The following REEP3 variants were observed in gnomAD, a reference collection of about 807,000 sequenced individuals.
REEP3 encodes the protein receptor accessory protein 3.
A neutral mutation model predicts 41.3 loss-of-function variants in REEP3; 20 were observed. The ratio of observed to expected loss-of-function variants is 0.48; its 90% confidence interval spans 0.34 to 0.70. The LOEUF (loss-of-function observed/expected upper bound fraction) is 0.70, where lower values mean the gene tolerates loss of function less well. REEP3 is among the 30% of genes least tolerant of loss of function. REEP3 has a pLI of 0.01. For missense variants in REEP3, 271 were observed against 308.8 expected, an observed-to-expected ratio of 0.88 and a Z score of 0.92; for synonymous variants, 104 against 101.8, an observed-to-expected ratio of 1.02 and a Z score of -0.13.
intron 4 of REEP3, 149 bp from the exon 5 acceptor site, chr10:63,599,021 C>CAA: frequency 1.9e-6 from 1 of 534,002 alleles, no homozygotes; most frequent in South Asian, 2.5e-5. Flanking sequence ...GACCCTCTCT[C>CAA]AAAAAAAAGA....
At chr10:63,542,792 T>C (rs1003832303) in intron 1 of REEP3, among the ~76,000 whole-genome samples, 2 of 152,194 alleles carry the variant, frequency 1.3e-5, no homozygotes, top group Admixed American at 1.3e-4. Flanking sequence ...TTGTGGACCT[T>C]AAGTAAGGTG....
At chr10:63,556,614 GTTTTTTTTTTTGTTGTTTTGT>G (rs1157779672) in intron 1 of REEP3, among the ~76,000 whole-genome samples, 1 of 12,866 alleles carries the variant, frequency 7.8e-5, no homozygotes, top group African/African-American at 2.0e-4. Context: ...CTGTTTGCTT[GTTTTTTTTTTTGTTGTTTTGT>G]TTTTTTTTTT....
At chr10:63,553,963 G>C (rs1020014418) in intron 1 of REEP3, among the ~76,000 whole-genome samples, 1 of 152,034 alleles carries the variant, frequency 6.6e-6, no homozygotes. Context: ...TTAGCTGGGC[G>C]TGGTGGCAGG....
At chr10:63,556,626 G>GTTTTTTTTTTTTTTTTTTTT (rs367820586) in intron 1 of REEP3, among the ~76,000 whole-genome samples, 1 of 87,106 alleles carries the variant, frequency 1.1e-5, no homozygotes, top group African/African-American at 4.1e-5. Flanking sequence ...TTTTTTTTTT[G>GTTTTTTTTTTTTTTTTTTTT]TTGTTTTGTT....
chr10:63,572,040 A>G (rs1424339888), intron 2 of REEP3, among the ~76,000 whole-genome samples: 3 of 152,132 alleles, frequency 2.0e-5, no homozygotes, highest in East Asian at 1.9e-4. Flanking sequence ...CCATATAGAT[A>G]TTTTCCAAGA....
At chr10:63,581,377 TAA>T (rs537190753) in intron 2 of REEP3, among the ~76,000 whole-genome samples, 1 of 152,218 alleles carries the variant, frequency 6.6e-6, no homozygotes, top group African/African-American at 2.4e-5. Flanking sequence ...TGTAAAATGA[TAA>T]AGTTTTTTTG....
At chr10:63,583,233 C>T (rs1232561798) in intron 2 of REEP3, among the ~76,000 whole-genome samples, 1 of 152,088 alleles carries the variant, frequency 6.6e-6, no homozygotes, top group African/African-American at 2.4e-5. Context: ...CCTCATGATC[C>T]GCCCACCTCA....
At chr10:63,575,699 C>G (rs1322697287) in intron 2 of REEP3, among the ~76,000 whole-genome samples, 1 of 152,046 alleles carries the variant, frequency 6.6e-6, no homozygotes, top group Non-Finnish European at 1.5e-5. Context: ...GAGAATATGA[C>G]TGACAGTTTT....
chr10:63,590,585 A>G lies in REEP3; in HGVS notation c.106-4193A>G, dbSNP rs148414581. Among the ~76,000 whole-genome samples, 483 of 152,148 alleles carry G rather than the reference A, an allele frequency of 3.2e-3. 3 individuals carry two copies. The highest frequency in any genetic ancestry group is 0.011 in the African/African-American group (453 of 41,488). ...GCTACATAGAAGGGAGGTGCAGAAT[A>G]TTCAGGCAATTCCTATGTTATGTGA... On this transcript the variant is annotated intron_variant, in intron 2 of 7. Transcript: ENST00000373758.
At chr10:63,571,879 G>A (rs1399259361) in intron 2 of REEP3, among the ~76,000 whole-genome samples, 1 of 152,162 alleles carries the variant, frequency 6.6e-6, no homozygotes, top group Admixed American at 6.5e-5. Flanking sequence ...GAGATCTTCT[G>A]TTTCTAGTAT....
At chr10:63,581,150 T>C (rs1955950405) in intron 2 of REEP3, among the ~76,000 whole-genome samples, 1 of 152,190 alleles carries the variant, frequency 6.6e-6, no homozygotes, top group Non-Finnish European at 1.5e-5. Flanking sequence ...TACCCAGACA[T>C]GTACATCATC....
chr10:63,574,142 C>T lies in REEP3; in HGVS notation c.105+7732C>T, dbSNP rs374594943. The stretch of plus-strand genomic sequence containing the variant: ...TCTTTTAGCATTTATTGCCATATTC[C>T]AAATAACATACTTATTGTGCTATTT... On this transcript the variant is annotated intron_variant, in intron 2 of 7. Transcript: ENST00000373758. 1.1e-4 allele frequency among the ~76,000 whole-genome samples: 16 copies of T among 152,230 alleles called. No individual in the cohort carries two copies. The South Asian group carries it at 3.3e-3, about 32-fold the overall frequency.
Position 63,599,719 on chromosome 10 carries a change from G to A in REEP3, c.417+436G>A, listed in dbSNP as rs983222534. The A allele has an allele frequency of 4.5e-5, 44 of 982,130 alleles. No individual in the cohort carries two copies. The Admixed American group carries it at 1.1e-3, about 25-fold the overall frequency. 60.8% of individuals were successfully genotyped at this position (982,130 alleles called of 1,614,324 possible). A position where few individuals can be genotyped will look rare whatever the true frequency, so the allele number is the denominator to read the frequency against. On this transcript the variant is annotated intron_variant, in intron 5 of 7. Transcript: ENST00000373758. ...CTACTTCAATCAATTTGAGGTAACCGATTATTCAAAATAAGGCATGAAAAA... is the reference window on the plus strand; with the variant it reads ...CTACTTCAATCAATTTGAGGTAACCAATTATTCAAAATAAGGCATGAAAAA...
At chr10:63,594,030 T>G (rs1440795923) in intron 2 of REEP3, among the ~76,000 whole-genome samples, 1 of 152,110 alleles carries the variant, frequency 6.6e-6, no homozygotes, top group Non-Finnish European at 1.5e-5. Context: ...ATATAAAATT[T>G]TAAAGACTAA....
intron 5 of REEP3, among the ~76,000 whole-genome samples, chr10:63,607,526 A>T (rs1274634175): frequency 6.6e-6 from 1 of 152,244 alleles, no homozygotes; most frequent in Non-Finnish European, 1.5e-5. Flanking sequence ...CCATACCTGT[A>T]GTTTGCTGCT....
chr10:63,528,842 T>G (rs965749142), intron 1 of REEP3, among the ~76,000 whole-genome samples: 1 of 152,212 alleles, frequency 6.6e-6, no homozygotes, highest in Non-Finnish European at 1.5e-5. Flanking sequence ...TTCCCTCGCT[T>G]CCTTCAGGTG....
At position 63,594,685 on chromosome 10, in the gene REEP3, T is replaced by G. The variant is rs1956097314; in HGVS notation, c.106-93T>G. 2.3e-5 allele frequency: 19 copies of G among 811,672 alleles called. No homozygotes were observed. In the East Asian group the frequency reaches 4.7e-4, roughly 20 times the overall value. The allele number at this position is 811,672 out of a possible 1,614,324, so 50.3% of individuals were successfully genotyped here. A position where few individuals can be genotyped will look rare whatever the true frequency, so the allele number is the denominator to read the frequency against. On this transcript the variant is annotated intron_variant, in intron 2 of 7. Coordinates refer to ENST00000373758, the MANE Select transcript of REEP3 (RefSeq NM_001001330.3). ...AAATACATACATAATATGAAATTAT[T>G]ATGAAATCCAGAAATACATACATAC... is the stretch of plus-strand genomic sequence containing the variant.
At chr10:63,533,477 C>G (rs1589856970) in intron 1 of REEP3, among the ~76,000 whole-genome samples, 1 of 152,270 alleles carries the variant, frequency 6.6e-6, no homozygotes, top group African/African-American at 2.4e-5. Flanking sequence ...GTTGTTCATT[C>G]AGTCCTTTTT....
intron 2 of REEP3, among the ~76,000 whole-genome samples, chr10:63,571,618 A>G (rs879381963): frequency 5.9e-5 from 9 of 152,312 alleles, no homozygotes; most frequent in Middle Eastern, 3.4e-3. Flanking sequence ...TCAGCTGATT[A>G]GCAACCCTAA....
Sources: allele counts gnomAD v4.1 joint callset (sites outside exome capture counted in the v4.1 genomes callset), GRCh38; gene constraint gnomAD v4.1.1; transcripts MANE v1.5; gene names NCBI Gene and HGNC (gene_info 2026-07-23, HGNC 2026-07-21).